The following CLASP2 variants were observed in gnomAD, a reference collection of about 807,000 sequenced individuals.
The protein encoded by CLASP2 is cytoplasmic linker associated protein 2, also known as CLIP-associating protein 2.
Under a neutral mutation model 194.4 loss-of-function variants are expected in CLASP2, and 47 were observed. The observed-to-expected ratio is 0.24, with a 90% CI of 0.19 to 0.31. The LOEUF (loss-of-function observed/expected upper bound fraction) is 0.31. Ranked by LOEUF, CLASP2 falls within the 10% of genes least tolerant of loss-of-function variation. The pLI, the probability that CLASP2 is intolerant of heterozygous loss-of-function variation, is 1.00. For synonymous variants in CLASP2, 619 were observed against 633.5 expected, an observed-to-expected ratio of 0.98 and a Z score of 0.34; for missense variants, 1,445 against 1,823.6, an observed-to-expected ratio of 0.79 and a Z score of 3.78.
intron 30 of CLASP2, among the ~76,000 whole-genome samples, chr3:33,546,826 C>T (rs979722594): frequency 1.3e-5 from 2 of 152,176 alleles, no homozygotes; most frequent in African/African-American, 4.8e-5. Flanking sequence ...ATAATTTCTA[C>T]AGTCACATCA....
At chr3:33,561,655 T>C (rs1178174958) in intron 27 of CLASP2, among the ~76,000 whole-genome samples, 1 of 152,192 alleles carries the variant, frequency 6.6e-6, no homozygotes, top group Non-Finnish European at 1.5e-5. Context: ...ACTTCCAATA[T>C]TAATCTATTT....
intron 13 of CLASP2, 56 bp from the exon 14 acceptor site, chr3:33,608,682 CT>C: frequency 8.7e-7 from 1 of 1,148,970 alleles, no homozygotes; most frequent in Non-Finnish European, 1.3e-6. Flanking sequence ...TACATTAACA[CT>C]TTCTTTTATA....
intron 7 of CLASP2, among the ~76,000 whole-genome samples, chr3:33,656,521 T>C (rs1464990129): frequency 6.6e-6 from 1 of 152,198 alleles, no homozygotes; most frequent in Non-Finnish European, 1.5e-5. Flanking sequence ...CAGACACTAC[T>C]GGTGGGAGTG....
At chr3:33,649,637 G>T (rs890929933) in intron 7 of CLASP2, among the ~76,000 whole-genome samples, 36 of 152,232 alleles carry the variant, frequency 2.4e-4, no homozygotes, top group Non-Finnish European at 1.0e-4. Context: ...AAGGCCTTGT[G>T]GGGCAAAGGG....
intron 37 of CLASP2, chr3:33,502,078 T>C (rs2046978342): frequency 4.4e-6 from 1 of 226,820 alleles, no homozygotes. Flanking sequence ...AGACTAACTT[T>C]CCTAAAGCAT....
intron 6 of CLASP2, among the ~76,000 whole-genome samples, chr3:33,678,719 T>C (rs764990169): frequency 2.0e-5 from 3 of 152,138 alleles, no homozygotes; most frequent in Non-Finnish European, 2.9e-5. Flanking sequence ...ACGAAATAAG[T>C]GTAAGACTTT....
rs776993480 is a variant in CLASP2, at chr3:33,632,391, T to TA, written c.863-21dup. On this transcript the variant is annotated intron_variant, in intron 8 of 38. Coordinates refer to ENST00000682230, the MANE Select transcript of CLASP2 (RefSeq NM_001365631.1). Reference sequence around the variant, plus strand: ...AAGCACCTGCTAATTAAAAGGAAATTAATTTCCTAAGGTTCATTTTTAAGC... The same window carrying TA: ...AAGCACCTGCTAATTAAAAGGAAATTAAATTTCCTAAGGTTCATTTTTAAGC... The TA allele has an allele frequency of 1.9e-6, 3 of 1,539,228 alleles. No homozygotes were observed. Among genetic ancestry groups the TA allele is most frequent in the Non-Finnish European group, 2.6e-6 (3 of 1,133,516 alleles).
At chr3:33,536,974 A>T (rs2057456014) in intron 33 of CLASP2, among the ~76,000 whole-genome samples, 1 of 152,242 alleles carries the variant, frequency 6.6e-6, no homozygotes, top group African/African-American at 2.4e-5. Flanking sequence ...GTGAATGTGG[A>T]ACTCAGGAAA....
chr3:33,685,342 CAA>C (rs56240569), intron 5 of CLASP2, among the ~76,000 whole-genome samples: 59 of 48,124 alleles, frequency 1.2e-3, no homozygotes, highest in Admixed American at 2.5e-3. Context: ...AACTCCGTCT[CAA>C]AAAAAAAAAA....
chr3:33,588,364 A>G (rs1247467226), intron 21 of CLASP2, among the ~76,000 whole-genome samples: 2 of 152,190 alleles, frequency 1.3e-5, no homozygotes, highest in Non-Finnish European at 2.9e-5. Context: ...GAAAATACCC[A>G]TATTTGCAAA....
At chr3:33,590,586 T>C (rs2068531650) in intron 21 of CLASP2, among the ~76,000 whole-genome samples, 1 of 152,180 alleles carries the variant, frequency 6.6e-6, no homozygotes. Flanking sequence ...ACTGATTTAG[T>C]TGAGATAAAA....
intron 34 of CLASP2, among the ~76,000 whole-genome samples, chr3:33,528,522 G>A (rs2055241360): frequency 6.6e-6 from 1 of 152,132 alleles, no homozygotes; most frequent in South Asian, 2.1e-4. Flanking sequence ...AGCATTTTGG[G>A]ATGCCGAGAT....
At chr3:33,614,200 G>A (rs538933752) in intron 12 of CLASP2, among the ~76,000 whole-genome samples, 13 of 152,234 alleles carry the variant, frequency 8.5e-5, no homozygotes, top group African/African-American at 2.9e-4. Flanking sequence ...CGTGAAAAAT[G>A]AGCAATTTGA....
chr3:33,632,813 C>A (rs2079350688), intron 8 of CLASP2, among the ~76,000 whole-genome samples: 3 of 152,166 alleles, frequency 2.0e-5, no homozygotes, highest in Admixed American at 2.0e-4. Context: ...ATTACACAAA[C>A]AAATCTTCCA....
At chr3:33,533,995 G>C (rs2056846090) in intron 34 of CLASP2, among the ~76,000 whole-genome samples, 1 of 152,144 alleles carries the variant, frequency 6.6e-6, no homozygotes, top group Admixed American at 6.5e-5. Flanking sequence ...GATTACAGGA[G>C]TGAGCCACTG....
intron 6 of CLASP2, among the ~76,000 whole-genome samples, chr3:33,671,879 G>C (rs887824387): frequency 6.6e-6 from 1 of 152,052 alleles, no homozygotes. Flanking sequence ...AGGCGGCAGC[G>C]AGGCTGGGAG....
At chr3:33,631,989 T>A (rs1281550794) in intron 9 of CLASP2, among the ~76,000 whole-genome samples, 5 of 152,228 alleles carry the variant, frequency 3.3e-5, no homozygotes, top group Non-Finnish European at 5.9e-5. Context: ...TCTATATGAA[T>A]GACTTCCAAA....
chr3:33,531,770 T>C (rs551067512), intron 34 of CLASP2, among the ~76,000 whole-genome samples: 34 of 151,054 alleles, frequency 2.3e-4, no homozygotes, highest in Non-Finnish European at 4.3e-4. Context: ...AGCGAAACTC[T>C]GTCTCAAAAC....
intron 1 of CLASP2, among the ~76,000 whole-genome samples, chr3:33,712,155 T>C (rs182071174): frequency 7.9e-5 from 12 of 152,310 alleles, no homozygotes; most frequent in African/African-American, 2.9e-4. Context: ...AAATGTGGTA[T>C]ACATACACCA....
Sources: allele counts gnomAD v4.1 joint callset (sites outside exome capture counted in the v4.1 genomes callset), GRCh38; gene constraint gnomAD v4.1.1; transcripts MANE v1.5; gene names NCBI Gene and HGNC (gene_info 2026-07-23, HGNC 2026-07-21).